DNAJB14: variants seen among roughly 807,000 people sequenced by gnomAD.
The protein encoded by DNAJB14 is dnaJ homolog subfamily B member 14.
DNAJB14 carries 22 observed loss-of-function variants against 48.4 expected under a neutral mutation model. That is an observed-to-expected ratio of 0.45 (90% confidence interval 0.32 to 0.65). DNAJB14 has a LOEUF of 0.65. DNAJB14 is among the 30% of genes least tolerant of loss of function. DNAJB14 has a pLI of 0.03. For missense variants in DNAJB14, 319 were observed against 458.8 expected (o/e 0.70, Z 2.78); for synonymous variants, 142 against 158.7 (o/e 0.89, Z 0.79).
chr4:99,901,317 T>A (rs1252050541), intron 7 of DNAJB14, among the ~76,000 whole-genome samples, 165 bp from the exon 8 acceptor site: 1 of 152,152 alleles, frequency 6.6e-6, no homozygotes, highest in Non-Finnish European at 1.5e-5. Flanking sequence ...AAAAAAATTT[T>A]AATGAAAACT....
At chr4:99,926,524 T>C (rs1726262013) in intron 2 of DNAJB14, 1 of 152,098 alleles carries the variant, frequency 6.6e-6, no homozygotes, top group Non-Finnish European at 1.5e-5. Context: ...AAAAGGTAAA[T>C]TAAACACTGA....
rs1725323612 is a variant in DNAJB14 at position 99,902,362 on chromosome 4, A to G, written c.1016-1210T>C. 1.3e-5 allele frequency among the ~76,000 whole-genome samples: 2 copies of G among 148,156 alleles called. 1 individual carries two copies. Among genetic ancestry groups the G allele is most frequent in the African/African-American group, 4.9e-5 (2 of 40,670 alleles). ...CATGATGACACACAAAAGTATCTCC[A>G]GACGTTACCAAACATCTCTAGGGAT... On this transcript the variant is annotated intron_variant, in intron 7 of 7. Coordinates refer to ENST00000442697, the MANE Select transcript of DNAJB14 (RefSeq NM_001031723.4).
At position 99,899,755 on chromosome 4, in the gene DNAJB14, T is replaced by C. The variant is rs1725235102; in HGVS notation, c.*1273A>G. The C allele has an allele frequency of 1.3e-5, 2 of 151,992 alleles. No homozygotes were observed. The highest frequency in any genetic ancestry group is 2.9e-5 in the Non-Finnish European group (2 of 67,802). The allele number at this position is 151,992 out of a possible 1,614,324, so 9.4% of individuals were successfully genotyped here. On this transcript the variant is annotated 3_prime_UTR_variant, in exon 8 of 8. Coordinates refer to ENST00000442697, the MANE Select transcript of DNAJB14 (RefSeq NM_001031723.4). ...TAAACACAGAAGACTAGAAATCAAA[T>C]AGTTTCATATCCAGTATACAGGCAT...
chr4:99,925,802 G>A (rs750376571), intron 2 of DNAJB14: 6 of 152,136 alleles, frequency 3.9e-5, no homozygotes, highest in Admixed American at 2.6e-4. Context: ...AATAGAAACA[G>A]AGAAAGGAAG....
Position 99,930,457 on chromosome 4 carries a change from C to G in DNAJB14, c.298G>C (p.Val100Leu), listed in dbSNP as rs1373243869. Reference sequence around the variant, plus strand: ...AACCATATTTATTCCTACCTGAGAACTCCATCTACTTGGTCTTTGGTATAG... The same window carrying G: ...AACCATATTTATTCCTACCTGAGAAGTCCATCTACTTGGTCTTTGGTATAG... ...KGYTKDQVDGVLSINKCKNYY... is the reference protein window; with the variant it reads ...KGYTKDQVDGLLSINKCKNYY... The change falls in exon 2 of 8, where the codon GTT becomes CTT. Residue 100 changes from valine (V) to leucine (L), a missense_variant. By Grantham distance (32) the Val-to-Leu change is conservative. This residue lies in a region of DNAJB14 where 116 missense variants were observed against 134.6 expected (regional missense o/e 0.86). Coordinates refer to ENST00000442697, the MANE Select transcript of DNAJB14 (RefSeq NM_001031723.4). The G allele has an allele frequency of 6.3e-7, 1 of 1,591,702 alleles. No homozygotes were observed. The highest frequency in any genetic ancestry group is 1.4e-5 in the African/African-American group (1 of 74,042).
At chr4:99,912,293 C>T (rs909209111) in intron 3 of DNAJB14, among the ~76,000 whole-genome samples, 1 of 152,146 alleles carries the variant, frequency 6.6e-6, no homozygotes, top group Non-Finnish European at 1.5e-5. Context: ...TACAGTAAAT[C>T]CTGAAATCAG....
rs1725176792 is a variant in DNAJB14 at position 99,897,709 on chromosome 4, T to C, written c.*3319A>G. 1 of 152,050 alleles carries C rather than the reference T, an allele frequency of 6.6e-6. No individual in the cohort carries two copies. Among genetic ancestry groups the C allele is most frequent in the African/African-American group, 2.4e-5 (1 of 41,446 alleles). 9.4% of individuals were successfully genotyped at this position (152,050 alleles called of 1,614,324 possible). On this transcript the variant is annotated 3_prime_UTR_variant, in exon 8 of 8. Transcript: ENST00000442697. ...GAATGAAAATTAAAATAAAGATTTA[T>C]TGTTGATTTTCATTAGTTTTTCTGT...
intron 1 of DNAJB14, among the ~76,000 whole-genome samples, chr4:99,935,778 A>G (rs1414542460): frequency 6.6e-6 from 1 of 152,152 alleles, no homozygotes; most frequent in African/African-American, 2.4e-5. Flanking sequence ...GACTCAAGAG[A>G]CAGTCATGGC....
intron 7 of DNAJB14, among the ~76,000 whole-genome samples, chr4:99,901,713 G>T (rs1244115760): frequency 2.0e-5 from 3 of 152,114 alleles, no homozygotes; most frequent in Non-Finnish European, 4.4e-5. Flanking sequence ...GCTTCCTTCA[G>T]TGTGTGGGAC....
rs1725253895 is a variant in DNAJB14 at position 99,900,258 on chromosome 4, C to T, written c.*770G>A. 1 of 152,038 alleles carries T rather than the reference C, an allele frequency of 6.6e-6. No individual in the cohort carries two copies. Among genetic ancestry groups the T allele is most frequent in the African/African-American group, 2.4e-5 (1 of 41,404 alleles). The allele number at this position is 152,038 out of a possible 1,614,324, so 9.4% of individuals were successfully genotyped here. A position where few individuals can be genotyped will look rare whatever the true frequency, so the allele number is the denominator to read the frequency against. ...TGGAATTTTAAATGACATAACTGCA[C>T]TTTACTGTTGAAGACCCTTTTAGTT... On this transcript the variant is annotated 3_prime_UTR_variant, in exon 8 of 8. Transcript: ENST00000442697.
intron 3 of DNAJB14, among the ~76,000 whole-genome samples, chr4:99,914,512 G>A (rs376872617): frequency 1.1e-4 from 17 of 152,212 alleles, no homozygotes; most frequent in African/African-American, 3.6e-4. Context: ...GGGGAGTGGC[G>A]AGGGATAGCA....
chr4:99,905,765 A>T, intron 5 of DNAJB14, 59 bp from the exon 6 acceptor site: 1 of 1,526,098 alleles, frequency 6.6e-7, no homozygotes, highest in Non-Finnish European at 9.1e-7. Context: ...TTAATAATAC[A>T]ACAGTTGTCA....
intron 3 of DNAJB14, among the ~76,000 whole-genome samples, chr4:99,916,835 A>G (rs1258871747): frequency 5.3e-5 from 8 of 152,138 alleles, no homozygotes; most frequent in Non-Finnish European, 7.4e-5. Context: ...ATCTTCCTCC[A>G]TTTAAAACAT....
intron 1 of DNAJB14, 126 bp from the exon 2 acceptor site, chr4:99,930,747 T>C (rs1054802602): frequency 2.0e-6 from 2 of 1,011,394 alleles, no homozygotes; most frequent in African/African-American, 3.3e-5. Flanking sequence ...ATAGGATCTT[T>C]TTAATTAGCA....
chr4:99,944,310 G>A (rs1411636653), intron 1 of DNAJB14, among the ~76,000 whole-genome samples: 1 of 152,148 alleles, frequency 6.6e-6, no homozygotes, highest in East Asian at 1.9e-4. Context: ...AAGTAAAATG[G>A]TGCAGGCGCT....
At chr4:99,937,196 AG>A (rs144117352) in intron 1 of DNAJB14, among the ~76,000 whole-genome samples, 1,567 of 152,220 alleles carry the variant, frequency 0.01, 27 homozygotes, top group African/African-American at 0.035. Context: ...AGGCGCTTAT[AG>A]TCCCAGCTAC....
chr4:99,944,492 C>T (rs1246137843), intron 1 of DNAJB14, among the ~76,000 whole-genome samples: 1 of 151,670 alleles, frequency 6.6e-6, no homozygotes, highest in African/African-American at 2.4e-5. Flanking sequence ...TGTCCATAGA[C>T]AGATGAATGG....
chr4:99,932,923 A>G (rs1181890483), intron 1 of DNAJB14, among the ~76,000 whole-genome samples: 1 of 152,342 alleles, frequency 6.6e-6, no homozygotes, highest in East Asian at 1.9e-4. Context: ...AATGTACAGA[A>G]CAGGCAAATC....
Position 99,908,811 on chromosome 4 carries a change from G to A in DNAJB14, c.537C>T (p.Asn179=), listed in dbSNP as rs367920312. Residue 179 remains asparagine, a synonymous_variant, in exon 4 of 8, where the codon AAC becomes AAT. Coordinates refer to ENST00000442697, the MANE Select transcript of DNAJB14 (RefSeq NM_001031723.4). ...AATTAAATCTGCCATTGTTTTGGTG[G>A]TTACATGCTTGTTCTTCATTGCCCG... is the stretch of plus-strand genomic sequence containing the variant. The part of the protein sequence containing the change: ...DLTGNEEQAC[N]HQNNGRFNFH... 5.6e-6 allele frequency: 9 copies of A among 1,611,708 alleles called. No homozygotes were observed. The African/African-American group carries it at 1.1e-4, about 19-fold the overall frequency.
Sources: allele counts gnomAD v4.1 joint callset (sites outside exome capture counted in the v4.1 genomes callset), GRCh38; gene constraint gnomAD v4.1.1; regional missense constraint gnomAD v4.1.1; transcripts MANE v1.5; gene names NCBI Gene and HGNC (gene_info 2026-07-23, HGNC 2026-07-21).